ZNF564: variants seen among roughly 807,000 people sequenced by gnomAD.
ZNF564 encodes zinc finger protein 564.
In ZNF564, 5 loss-of-function variants were observed where a neutral mutation model predicts 10.5. The observed-to-expected ratio is 0.48, with a 90% confidence interval of 0.25 to 1.00. The LOEUF (loss-of-function observed/expected upper bound fraction) is 1.00. Among genes scored for constraint, ZNF564 ranks in the 50% least tolerant of loss-of-function variants. The pLI, the probability that ZNF564 is intolerant of heterozygous loss-of-function variation, is 0.16. For missense variants in ZNF564, 603 were observed against 669.7 expected, an observed-to-expected ratio of 0.90 and a Z score of 1.10; for synonymous variants, 242 against 218.1, an observed-to-expected ratio of 1.11 and a Z score of -0.97.
At chr19:12,540,046 T>C (rs562990631) in intron 1 of ZNF564, among the ~76,000 whole-genome samples, 6 of 151,750 alleles carry the variant, frequency 4.0e-5, no homozygotes, top group Non-Finnish European at 7.4e-5. Flanking sequence ...GCCACTTGCG[T>C]AAGATTCATT....
At position 12,528,336 on chromosome 19, in the gene ZNF564, T is replaced by C. The variant is rs1210340299; in HGVS notation, c.159A>G (p.Glu53=). 6.2e-7 allele frequency: 1 copy of C among 1,610,980 alleles called. No individual in the cohort carries two copies. The highest frequency in any genetic ancestry group is 2.2e-5 in the East Asian group (1 of 44,844). Residue 53 remains glutamate (E), a synonymous_variant, in exon 3 of 4, where the codon GAA becomes GAG. Transcript: ENST00000339282. ...TTCTCCCCTGATTTTTGTACCAATCTTCAATGCTCTGGTCTTCCCATTTTT... is the reference window on the plus strand; with the variant it reads ...TTCTCCCCTGATTTTTGTACCAATCCTCAATGCTCTGGTCTTCCCATTTTT... ...VGKKWEDQSI[E]DWYKNQGRIL...
chr19:12,532,761 G>C (rs1316610013), intron 1 of ZNF564: 1 of 151,850 alleles, frequency 6.6e-6, no homozygotes, highest in African/African-American at 2.4e-5. Flanking sequence ...TAAATAAAGA[G>C]ATATAAGTGA....
chr19:12,544,486 TAC>T (rs1431714120), intron 1 of ZNF564, among the ~76,000 whole-genome samples: 2 of 152,198 alleles, frequency 1.3e-5, no homozygotes, highest in African/African-American at 4.8e-5. Flanking sequence ...TCACCCTTAA[TAC>T]AGTTTCCAGT....
At chr19:12,546,125 C>G (rs1337993156) in intron 1 of ZNF564, among the ~76,000 whole-genome samples, 3 of 152,194 alleles carry the variant, frequency 2.0e-5, no homozygotes, top group Non-Finnish European at 4.4e-5. Context: ...ATTTATTACA[C>G]CACAGAAGCA....
chr19:12,536,214 T>C (rs1222879600), intron 1 of ZNF564, among the ~76,000 whole-genome samples: 1 of 152,154 alleles, frequency 6.6e-6, no homozygotes, highest in Non-Finnish European at 1.5e-5. Context: ...TCTCATTTTG[T>C]CACCCAGATT....
chr19:12,540,771 G>A (rs769116750), intron 1 of ZNF564, among the ~76,000 whole-genome samples: 2 of 151,820 alleles, frequency 1.3e-5, no homozygotes, highest in South Asian at 2.1e-4. Flanking sequence ...GAAGAATGGT[G>A]TGAACTCGGG....
intron 1 of ZNF564, 56 bp downstream of exon 1, chr19:12,551,274 G>C: frequency 6.3e-7 from 1 of 1,579,832 alleles, no homozygotes; most frequent in Admixed American, 1.8e-5. Flanking sequence ...GCCGGTTCCG[G>C]CCGGTTCCCA....
In ZNF564 at chr19:12,526,868, TTC is replaced by T; in HGVS notation, c.1238_1239del (p.Arg413AsnfsTer9). ...TCATAGGGTTTCTCTCCAGTGTGAG[TTC>T]TTTCGTGTATTTGAAATGAACTGGG... is the stretch of plus-strand genomic sequence containing the variant. ...DCPSSFQIHERTHTGEKPYEC... is the reference protein window; with the variant it reads ...DCPSSFQIHEXTHTGEKPYEC... On this transcript the variant is annotated frameshift_variant, in exon 4 of 4. Coordinates refer to ENST00000339282, the MANE Select transcript of ZNF564 (RefSeq NM_144976.4). LOFTEE classifies it low-confidence loss of function (END_TRUNC). The T allele has an allele frequency of 6.2e-7, 1 of 1,614,106 alleles. No homozygotes were observed. The highest frequency in any genetic ancestry group is 8.5e-7 in the Non-Finnish European group (1 of 1,179,980).
At chr19:12,539,190 T>C (rs10421015) in intron 1 of ZNF564, among the ~76,000 whole-genome samples, 3,251 of 141,876 alleles carry the variant, frequency 0.023, 115 homozygotes, top group African/African-American at 0.082. Flanking sequence ...GCTGAGATCG[T>C]GCCTCCTGTC....
intron 1 of ZNF564, among the ~76,000 whole-genome samples, chr19:12,542,308 CAAAAAAA>C (rs35733202): frequency 1.6e-5 from 1 of 63,168 alleles, no homozygotes; most frequent in South Asian, 7.4e-4. Context: ...GACTCTGTCT[CAAAAAAA>C]AAAAAAAAAA....
At position 12,526,406 on chromosome 19, in the gene ZNF564, T is replaced by A; in HGVS notation, c.*40A>T. ...CAGAAAGCAAACTGAAGACTTTCCA[T>A]ATTCTTTAGATATGTAGATACTTGT... On this transcript the variant is annotated 3_prime_UTR_variant, in exon 4 of 4. Transcript: ENST00000339282. 6.6e-7 allele frequency: 1 copy of A among 1,518,032 alleles called. No individual in the cohort carries two copies. The highest frequency in any genetic ancestry group is 8.8e-7 in the Non-Finnish European group (1 of 1,136,618). 94.0% of individuals were successfully genotyped at this position (1,518,032 alleles called of 1,614,324 possible).
chr19:12,531,571 T>TA (rs1180682274), intron 1 of ZNF564, among the ~76,000 whole-genome samples: 360 of 137,694 alleles, frequency 2.6e-3, no homozygotes, highest in African/African-American at 7.4e-3. Context: ...CCAAAAAAAA[T>TA]AAAAAAAAAA....
At chr19:12,533,788 A>G (rs1378645893) in intron 1 of ZNF564, among the ~76,000 whole-genome samples, 2 of 151,112 alleles carry the variant, frequency 1.3e-5, no homozygotes, top group African/African-American at 4.8e-5. Flanking sequence ...GAAAACAGAA[A>G]AACAAGAGAG....
chr19:12,545,681 TTAAGTA>T (rs1279644298), intron 1 of ZNF564, among the ~76,000 whole-genome samples: 2 of 152,114 alleles, frequency 1.3e-5, no homozygotes, highest in African/African-American at 4.8e-5. Flanking sequence ...AACATGTTAC[TTAAGTA>T]TAACTCAGGA....
intron 1 of ZNF564, among the ~76,000 whole-genome samples, chr19:12,537,982 A>G (rs1020496840): frequency 5.3e-5 from 8 of 151,948 alleles, no homozygotes; most frequent in African/African-American, 1.2e-4. Context: ...TCCAATTCTG[A>G]TATCTTTTCT....
intron 1 of ZNF564, among the ~76,000 whole-genome samples, chr19:12,547,743 T>C (rs958180215): frequency 6.6e-6 from 1 of 152,020 alleles, no homozygotes; most frequent in African/African-American, 2.4e-5. Flanking sequence ...AGGCTCTTAG[T>C]TGGGAGTCAC....
chr19:12,529,578 C>T (rs1261220605), intron 1 of ZNF564, among the ~76,000 whole-genome samples: 1 of 149,138 alleles, frequency 6.7e-6, no homozygotes, highest in African/African-American at 2.5e-5. Context: ...TGCACTCCAG[C>T]CTGGAGGACA....
intron 1 of ZNF564, chr19:12,533,055 C>G (rs981406652): frequency 1.6e-4 from 25 of 152,058 alleles, no homozygotes; most frequent in African/African-American, 5.8e-4. Flanking sequence ...CTAACAATAG[C>G]AAAACACAAA....
At chr19:12,530,872 T>A in intron 1 of ZNF564, among the ~76,000 whole-genome samples, 1 of 152,130 alleles carries the variant, frequency 6.6e-6, no homozygotes, top group Non-Finnish European at 1.5e-5. Context: ...GCTCATGTGA[T>A]CCTCCCTCCT....
Sources: gnomAD v4.1 joint callset for allele counts (sites outside exome capture counted in the v4.1 genomes callset) on GRCh38, gnomAD v4.1.1 for gene constraint, MANE v1.5 for transcripts, NCBI Gene and HGNC (gene_info 2026-07-23, HGNC 2026-07-21) for gene names.